Variants in ANKRD30BL observed in about 807,000 individuals in gnomAD.
ANKRD30BL encodes putative ankyrin repeat domain-containing protein 30B-like.
A neutral mutation model predicts 18.4 loss-of-function variants in ANKRD30BL; 20 were observed. The observed-to-expected ratio is 1.09, with a 90% CI of 0.77 to 1.58. The LOEUF (loss-of-function observed/expected upper bound fraction) is 1.58. Ranked by LOEUF, ANKRD30BL falls within the 40% of genes most tolerant of loss-of-function variation. The pLI, the probability that ANKRD30BL is intolerant of heterozygous loss-of-function variation, is 0.00. For missense variants in ANKRD30BL, 224 were observed against 268.6 expected, an observed-to-expected ratio of 0.83 and a Z score of 1.16; for synonymous variants, 72 against 100.9, an observed-to-expected ratio of 0.71 and a Z score of 1.72.
chr2:132,240,378 C>G (rs60352177), intron 1 of ANKRD30BL, among the ~76,000 whole-genome samples: 5,234 of 151,760 alleles, frequency 0.034, 320 homozygotes, highest in African/African-American at 0.12. Context: ...TTGCATTCAA[C>G]TCACAAAGTG....
intron 1 of ANKRD30BL, among the ~76,000 whole-genome samples, chr2:132,230,416 A>G (rs1679977675): frequency 6.6e-6 from 1 of 151,970 alleles, no homozygotes; most frequent in South Asian, 2.1e-4. Context: ...CTCTTTTTGT[A>G]TTATATGCAA....
intron 1 of ANKRD30BL, among the ~76,000 whole-genome samples, chr2:132,186,106 G>C (rs1273669934): frequency 2.0e-5 from 3 of 150,868 alleles, no homozygotes; most frequent in Admixed American, 2.0e-4. Flanking sequence ...CTCCAACCTG[G>C]GTGACAGAGC....
intron 1 of ANKRD30BL, among the ~76,000 whole-genome samples, chr2:132,196,141 C>CA (rs199876039): frequency 0.053 from 4,654 of 87,190 alleles, 142 homozygotes; most frequent in African/African-American, 0.12. Context: ...GAGTCCATCT[C>CA]AAAAAAAAAA....
At chr2:132,197,426 C>T (rs1678991211) in intron 1 of ANKRD30BL, among the ~76,000 whole-genome samples, 1 of 151,920 alleles carries the variant, frequency 6.6e-6, no homozygotes, top group Admixed American at 6.6e-5. Context: ...AAGTCTTATC[C>T]ATTTATGAAT....
upstream of ANKRD30BL, among the ~76,000 whole-genome samples, chr2:132,164,269 CTTTTTTTTTTTTTTT>C (rs796313755): frequency 8.9e-6 from 1 of 112,224 alleles, no homozygotes; most frequent in Admixed American, 9.9e-5. Flanking sequence ...TTTTCTTTTT[CTTTTTTTTTTTTTTT>C]TTTTTTTTTA....
chr2:132,240,721 C>A (rs979946143), intron 1 of ANKRD30BL, among the ~76,000 whole-genome samples: 4 of 151,648 alleles, frequency 2.6e-5, no homozygotes, highest in Non-Finnish European at 5.9e-5. Flanking sequence ...TTGCATTAAT[C>A]TCACAGAGTT....
chr2:132,228,886 T>A (rs891801006), intron 1 of ANKRD30BL, among the ~76,000 whole-genome samples: 17 of 151,776 alleles, frequency 1.1e-4, no homozygotes, highest in Non-Finnish European at 2.1e-4. Flanking sequence ...TTTTGTAGAA[T>A]CTGCAAGTGG....
chr2:132,251,130 A>G (rs1333394872), intron 1 of ANKRD30BL, among the ~76,000 whole-genome samples: 2 of 152,182 alleles, frequency 1.3e-5, no homozygotes, highest in African/African-American at 4.8e-5. Context: ...GTCTGCTATG[A>G]CTTTCAACTT....
intron 1 of ANKRD30BL, among the ~76,000 whole-genome samples, chr2:132,227,440 C>T (rs1336591505): frequency 6.6e-6 from 1 of 151,870 alleles, no homozygotes; most frequent in African/African-American, 2.4e-5. Flanking sequence ...CTTCAACTCA[C>T]ACAGTGGGAC....
At chr2:132,216,482 G>A (rs796577683) in intron 1 of ANKRD30BL, among the ~76,000 whole-genome samples, 1 of 151,784 alleles carries the variant, frequency 6.6e-6, no homozygotes, top group Non-Finnish European at 1.5e-5. Flanking sequence ...TCTGCAAGTG[G>A]ACATTTTGTT....
At chr2:132,173,685 A>G (rs2104942752) in intron 1 of ANKRD30BL, among the ~76,000 whole-genome samples, 1 of 152,156 alleles carries the variant, frequency 6.6e-6, no homozygotes, top group South Asian at 2.1e-4. Flanking sequence ...TTGTTCTTGG[A>G]ACCAGCTTTC....
chr2:132,227,367 A>G (rs1679875128), intron 1 of ANKRD30BL, among the ~76,000 whole-genome samples: 1 of 152,038 alleles, frequency 6.6e-6, no homozygotes, highest in Non-Finnish European at 1.5e-5. Flanking sequence ...ATAGTGGAAA[A>G]GGAAATATCT....
At chr2:132,195,076 C>T (rs982779979) in intron 1 of ANKRD30BL, among the ~76,000 whole-genome samples, 2 of 151,874 alleles carry the variant, frequency 1.3e-5, no homozygotes, top group Admixed American at 1.3e-4. Flanking sequence ...GTTAGTAGAA[C>T]AAAATGGATA....
intron 1 of ANKRD30BL, among the ~76,000 whole-genome samples, chr2:132,170,431 C>T (rs1328288605): frequency 6.6e-6 from 1 of 152,174 alleles, no homozygotes; most frequent in Non-Finnish European, 1.5e-5. Context: ...CAGGCTCCTC[C>T]CCGCTGCAAA....
At chr2:132,163,830 T>A (rs111532817), upstream of ANKRD30BL, among the ~76,000 whole-genome samples, 205 of 152,322 alleles carry the variant, frequency 1.3e-3, no homozygotes, top group African/African-American at 4.6e-3. Context: ...AACCCAAGAA[T>A]TGAAGACTTG....
chr2:132,170,691 A>G (rs1287531807), intron 1 of ANKRD30BL, among the ~76,000 whole-genome samples: 2 of 152,214 alleles, frequency 1.3e-5, no homozygotes, highest in African/African-American at 2.4e-5. Context: ...CACCTGTTCT[A>G]TGGTTCCAGC....
At chr2:132,176,502 T>A (rs894009939) in intron 1 of ANKRD30BL, among the ~76,000 whole-genome samples, 3 of 152,080 alleles carry the variant, frequency 2.0e-5, no homozygotes, top group Admixed American at 1.3e-4. Context: ...TCCCAACTAC[T>A]CAGGAGGCTG....
chr2:132,205,425 A>T (rs556941562), intron 1 of ANKRD30BL, among the ~76,000 whole-genome samples: 1 of 147,458 alleles, frequency 6.8e-6, no homozygotes, highest in East Asian at 1.9e-4. Flanking sequence ...AACATGAAGA[A>T]ACCCCACCTC....
intron 1 of ANKRD30BL, among the ~76,000 whole-genome samples, chr2:132,198,324 CTT>C (rs773252461): frequency 5.3e-4 from 9 of 16,832 alleles, no homozygotes; most frequent in South Asian, 2.6e-3. Flanking sequence ...TTCTTTCTTT[CTT>C]TTTTTTTTTT....
Sources: allele counts gnomAD v4.1 joint callset (sites outside exome capture counted in the v4.1 genomes callset), GRCh38; gene constraint gnomAD v4.1.1; transcripts MANE v1.5; gene names NCBI Gene and HGNC (gene_info 2026-07-23, HGNC 2026-07-21).